Variants in PRKG1 observed in about 807,000 individuals in gnomAD.
The protein encoded by PRKG1 is protein kinase cGMP-dependent 1.
Under a neutral mutation model 88.1 loss-of-function variants are expected in PRKG1, and 35 were observed. The observed-to-expected ratio is 0.40, with a 90% confidence interval of 0.30 to 0.53. The LOEUF (loss-of-function observed/expected upper bound fraction) is 0.53, where lower values mean the gene tolerates loss of function less well. PRKG1 is among the 20% of genes least tolerant of loss of function. PRKG1 has a pLI of 0.59. For synonymous variants in PRKG1, 303 were observed against 292.5 expected (o/e 1.04, Z -0.37); for missense variants, 540 against 839.8 (o/e 0.64, Z 4.41).
Position 51,293,923 on chromosome 10 carries a change from G to A in PRKG1, c.478+140593G>A, listed in dbSNP as rs927759709. Among the ~76,000 whole-genome samples the A allele has an allele frequency of 2.0e-5, 3 of 152,102 alleles. 1 individual carries two copies. The South Asian group carries it at 6.2e-4, about 32-fold the overall frequency. ...TTTGATAATAATCATTCCAAGAGGT[G>A]TGAGCTCATATCTCATTGTGGTTTT... is the stretch of plus-strand genomic sequence containing the variant. On this transcript the variant is annotated intron_variant, in intron 2 of 17. Coordinates refer to ENST00000373980, the MANE Select transcript of PRKG1 (RefSeq NM_006258.4).
At chr10:51,188,228 C>G (rs1837543860) in intron 2 of PRKG1, among the ~76,000 whole-genome samples, 1 of 151,916 alleles carries the variant, frequency 6.6e-6, no homozygotes, top group African/African-American at 2.4e-5. Context: ...TTATAACTGA[C>G]CTCAGCTAGC....
At chr10:51,815,909 A>G (rs556854178) in intron 4 of PRKG1, among the ~76,000 whole-genome samples, 4 of 152,278 alleles carry the variant, frequency 2.6e-5, no homozygotes, top group South Asian at 2.1e-4. Context: ...GCTTCACAGC[A>G]CAACTAGGGG....
At chr10:51,738,447 G>T (rs940864760) in intron 3 of PRKG1, among the ~76,000 whole-genome samples, 1 of 152,168 alleles carries the variant, frequency 6.6e-6, no homozygotes, top group African/African-American at 2.4e-5. Context: ...TCTAAGATGG[G>T]CATAGTAATA....
chr10:51,820,784 T>A (rs2132727063), intron 4 of PRKG1, among the ~76,000 whole-genome samples: 1 of 152,344 alleles, frequency 6.6e-6, no homozygotes, highest in Non-Finnish European at 1.5e-5. Flanking sequence ...TTCTCATAGA[T>A]CTTTTCTAGT....
At chr10:52,140,135 G>A (rs1356281784) in intron 8 of PRKG1, among the ~76,000 whole-genome samples, 3 of 152,148 alleles carry the variant, frequency 2.0e-5, no homozygotes, top group East Asian at 3.9e-4. Context: ...TGACCATACC[G>A]AAAATAAGCA....
At chr10:51,335,537 A>T (rs1841854093) in intron 2 of PRKG1, among the ~76,000 whole-genome samples, 1 of 151,570 alleles carries the variant, frequency 6.6e-6, no homozygotes, top group Admixed American at 6.6e-5. Context: ...TTTATGCTAC[A>T]TATTTTTTTT....
In PRKG1 at chr10:52,276,035, G is replaced by C. The variant is rs150168074; in HGVS notation, c.1403+3554G>C. 2.3e-3 allele frequency among the ~76,000 whole-genome samples: 343 copies of C among 152,180 alleles called. 1 individual carries two copies. Among genetic ancestry groups the C allele is most frequent in the African/African-American group, 7.5e-3 (310 of 41,530 alleles). Reference sequence around the variant, plus strand: ...CTACTGATTCTTGTACATTAATCTTGTATCCAGAAACTTTGCTGAATTCTG... The same window carrying C: ...CTACTGATTCTTGTACATTAATCTTCTATCCAGAAACTTTGCTGAATTCTG... On this transcript the variant is annotated intron_variant, in intron 12 of 17. Coordinates refer to ENST00000373980, the MANE Select transcript of PRKG1 (RefSeq NM_006258.4).
At chr10:51,195,745 G>A (rs752472556) in intron 2 of PRKG1, among the ~76,000 whole-genome samples, 5 of 152,070 alleles carry the variant, frequency 3.3e-5, no homozygotes, top group African/African-American at 4.8e-5. Context: ...TTAGAAAATT[G>A]TCATAAGTCT....
chr10:51,797,194 A>C (rs1379720781), intron 3 of PRKG1, among the ~76,000 whole-genome samples: 3 of 149,230 alleles, frequency 2.0e-5, no homozygotes, highest in Admixed American at 6.7e-5. Context: ...TTTTTTTTTT[A>C]AATACTGATG....
chr10:52,091,104 A>T (rs1319116300), intron 7 of PRKG1, among the ~76,000 whole-genome samples: 1 of 152,278 alleles, frequency 6.6e-6, no homozygotes, highest in Non-Finnish European at 1.5e-5. Flanking sequence ...GGAGTCTGTA[A>T]TGAAGGTGCC....
At chr10:51,400,135 A>G (rs1374346573) in intron 2 of PRKG1, among the ~76,000 whole-genome samples, 2 of 152,184 alleles carry the variant, frequency 1.3e-5, no homozygotes, top group African/African-American at 4.8e-5. Context: ...AGTACCTACT[A>G]TATACCAGAC....
At chr10:52,034,386 C>A (rs12762161) in intron 5 of PRKG1, among the ~76,000 whole-genome samples, 1 of 109,356 alleles carries the variant, frequency 9.1e-6, no homozygotes, top group Non-Finnish European at 2.0e-5. Flanking sequence ...TGAAGGGAGG[C>A]CTTGTGGTAA....
chr10:51,265,798 G>A (rs1589293050), intron 2 of PRKG1, among the ~76,000 whole-genome samples: 1 of 152,168 alleles, frequency 6.6e-6, no homozygotes, highest in East Asian at 1.9e-4. Flanking sequence ...ATTAACATTA[G>A]CCCGAAAGGA....
chr10:51,569,864 G>T (rs1349063876), intron 3 of PRKG1, among the ~76,000 whole-genome samples: 1 of 151,882 alleles, frequency 6.6e-6, no homozygotes, highest in Admixed American at 6.6e-5. Context: ...TCTGCCAGGT[G>T]CATGGTAGGC....
At chr10:51,482,419 G>A (rs915369091) in intron 3 of PRKG1, among the ~76,000 whole-genome samples, 10 of 152,160 alleles carry the variant, frequency 6.6e-5, no homozygotes, top group Non-Finnish European at 1.3e-4. Flanking sequence ...AACTGTGGAG[G>A]AGGAGAATCA....
intron 2 of PRKG1, among the ~76,000 whole-genome samples, chr10:51,392,290 GTT>G (rs1266517132): frequency 9.9e-5 from 15 of 152,060 alleles, no homozygotes; most frequent in African/African-American, 3.4e-4. Flanking sequence ...CTTCCGCAGT[GTT>G]TGTGTCCCTG....
chr10:52,193,116 T>G (rs1483586161), intron 9 of PRKG1, among the ~76,000 whole-genome samples: 1 of 152,142 alleles, frequency 6.6e-6, no homozygotes, highest in African/African-American at 2.4e-5. Flanking sequence ...AATCTCAATC[T>G]TCATAGAGGA....
chr10:52,129,423 A>G (rs965850021), intron 7 of PRKG1, among the ~76,000 whole-genome samples: 1 of 152,204 alleles, frequency 6.6e-6, no homozygotes, highest in African/African-American at 2.4e-5. Flanking sequence ...AATTTCTACT[A>G]TCACTCCTAA....
In PRKG1 at chr10:51,593,452, T is replaced by G. The variant is rs188303544; in HGVS notation, c.592+125616T>G. Among the ~76,000 whole-genome samples the G allele has an allele frequency of 5.1e-3, 783 of 152,310 alleles. 5 individuals are homozygous for G. The highest frequency in any genetic ancestry group is 0.018 in the African/African-American group (748 of 41,568). On this transcript the variant is annotated intron_variant, in intron 3 of 17. Transcript: ENST00000373980. The stretch of plus-strand genomic sequence containing the variant: ...GCCTCCTGTCCATCATGGCCATTAC[T>G]GATTATGAAACTAATTAGTGTTGAG...
Sources: gnomAD v4.1 joint callset for allele counts (sites outside exome capture counted in the v4.1 genomes callset) on GRCh38, gnomAD v4.1.1 for gene constraint, MANE v1.5 for transcripts, NCBI Gene and HGNC (gene_info 2026-07-23, HGNC 2026-07-21) for gene names.